The following EPHB1 variants were observed in gnomAD, a reference collection of about 807,000 sequenced individuals.
EPHB1 encodes ephrin type-B receptor 1.
A neutral mutation model predicts 94.4 loss-of-function variants in EPHB1; 30 were observed. That is an observed-to-expected ratio of 0.32 (90% CI 0.24 to 0.43). EPHB1 has a LOEUF of 0.43. EPHB1 is among the 20% of genes least tolerant of loss of function. EPHB1 has a pLI of 1.00. For synonymous variants in EPHB1, 522 were observed against 489.1 expected, an observed-to-expected ratio of 1.07 and a Z score of -0.89; for missense variants, 1,055 against 1,308.3, an observed-to-expected ratio of 0.81 and a Z score of 2.99.
chr3:135,220,425 G>A (rs1040751527), intron 12 of EPHB1, among the ~76,000 whole-genome samples: 6 of 152,102 alleles, frequency 3.9e-5, no homozygotes, highest in African/African-American at 1.4e-4. Flanking sequence ...GGTTCTCAGC[G>A]AAAAGATCCA....
At chr3:135,135,881 G>A (rs1016033177) in intron 5 of EPHB1, among the ~76,000 whole-genome samples, 34 of 152,212 alleles carry the variant, frequency 2.2e-4, no homozygotes, top group African/African-American at 8.2e-4. Context: ...TTGAGAAATA[G>A]ATGAGTAATA....
At chr3:134,915,048 G>A (rs1044748437) in intron 1 of EPHB1, among the ~76,000 whole-genome samples, 1 of 152,150 alleles carries the variant, frequency 6.6e-6, no homozygotes, top group African/African-American at 2.4e-5. Context: ...TTTGGAGGAA[G>A]CACCTGGCCT....
intron 3 of EPHB1, among the ~76,000 whole-genome samples, chr3:135,027,285 C>T (rs1936219997): frequency 6.6e-6 from 1 of 151,632 alleles, no homozygotes; most frequent in African/African-American, 2.4e-5. Context: ...GCATCCCTGT[C>T]TTGTGCCAGT....
intron 9 of EPHB1, among the ~76,000 whole-genome samples, chr3:135,175,769 T>A (rs1941962533): frequency 3.3e-5 from 5 of 152,214 alleles, no homozygotes; most frequent in African/African-American, 1.2e-4. Context: ...CATCTGATAT[T>A]ATTATTACTG....
At chr3:134,837,333 A>G (rs1158549898) in intron 1 of EPHB1, among the ~76,000 whole-genome samples, 2 of 152,258 alleles carry the variant, frequency 1.3e-5, no homozygotes, top group Non-Finnish European at 2.9e-5. Context: ...AAACAAGTTA[A>G]TATTTTTTAA....
intron 10 of EPHB1, among the ~76,000 whole-genome samples, chr3:135,182,764 A>G (rs568417359): frequency 6.6e-6 from 1 of 152,326 alleles, no homozygotes; most frequent in Admixed American, 6.5e-5. Context: ...GATAATGAAC[A>G]TGACCTTCCA....
At chr3:135,034,216 G>A (rs778568036) in intron 3 of EPHB1, among the ~76,000 whole-genome samples, 2 of 152,132 alleles carry the variant, frequency 1.3e-5, no homozygotes, top group African/African-American at 2.4e-5. Context: ...GAAACAGGGG[G>A]CATCCTTCAG....
At chr3:134,849,207 C>T (rs970539618) in intron 1 of EPHB1, among the ~76,000 whole-genome samples, 3 of 152,206 alleles carry the variant, frequency 2.0e-5, no homozygotes, top group African/African-American at 7.2e-5. Context: ...CTTGTTGAAA[C>T]AGATTGTTGC....
chr3:135,086,416 G>T (rs1463029908), intron 3 of EPHB1, among the ~76,000 whole-genome samples: 1 of 151,696 alleles, frequency 6.6e-6, no homozygotes, highest in East Asian at 2.0e-4. Context: ...CCCACTTCAA[G>T]ACTTCCCAGC....
intron 1 of EPHB1, among the ~76,000 whole-genome samples, chr3:134,907,576 G>T (rs2038358305): frequency 6.6e-6 from 1 of 152,126 alleles, no homozygotes. Context: ...TTTGCTGATT[G>T]CCAGTTATCA....
At chr3:135,239,804 C>T (rs915537316) in intron 12 of EPHB1, among the ~76,000 whole-genome samples, 3 of 152,180 alleles carry the variant, frequency 2.0e-5, no homozygotes, top group Admixed American at 6.5e-5. Flanking sequence ...TATCCCTGGC[C>T]GTTGAGAAAG....
intron 1 of EPHB1, among the ~76,000 whole-genome samples, chr3:134,887,210 G>A (rs1224699153): frequency 5.9e-5 from 9 of 152,316 alleles, no homozygotes; most frequent in African/African-American, 2.2e-4. Flanking sequence ...AGTTGGCGCT[G>A]GCTGTTGGCT....
intron 1 of EPHB1, among the ~76,000 whole-genome samples, chr3:134,852,992 C>G (rs1325835872): frequency 6.6e-6 from 1 of 152,130 alleles, no homozygotes; most frequent in Non-Finnish European, 1.5e-5. Flanking sequence ...GGTGGGGTCA[C>G]TGCCAGCTCT....
At chr3:135,212,605 C>A (rs1275601732) in intron 12 of EPHB1, among the ~76,000 whole-genome samples, 2 of 152,170 alleles carry the variant, frequency 1.3e-5, no homozygotes, top group Non-Finnish European at 2.9e-5. Context: ...TTGGTATTAC[C>A]TTTCCCTTGT....
intron 3 of EPHB1, among the ~76,000 whole-genome samples, chr3:134,970,956 C>T (rs576029786): frequency 3.9e-5 from 6 of 152,270 alleles, no homozygotes; most frequent in South Asian, 2.1e-4. Context: ...TTTCTCACCC[C>T]GATACCTCTT....
intron 4 of EPHB1, among the ~76,000 whole-genome samples, chr3:135,126,241 G>A (rs921155236): frequency 6.6e-6 from 1 of 152,038 alleles, no homozygotes; most frequent in African/African-American, 2.4e-5. Context: ...CTACAATCTT[G>A]AATCTTCTCA....
intron 3 of EPHB1, among the ~76,000 whole-genome samples, chr3:135,082,306 T>C (rs1480057169): frequency 6.6e-6 from 1 of 152,212 alleles, no homozygotes; most frequent in Non-Finnish European, 1.5e-5. Context: ...TGTGCAAAGA[T>C]AAACTGGTTA....
At chr3:135,078,092 A>C (rs991437510) in intron 3 of EPHB1, among the ~76,000 whole-genome samples, 1 of 152,210 alleles carries the variant, frequency 6.6e-6, no homozygotes, top group African/African-American at 2.4e-5. Flanking sequence ...TTGAGATTCA[A>C]TCACAGTTAT....
In EPHB1 at chr3:135,182,872, G is replaced by T. The variant is rs1337584209; in HGVS notation, c.1882+2890G>T. Among the ~76,000 whole-genome samples, 5 of 152,284 alleles carry T rather than the reference G, an allele frequency of 3.3e-5. No homozygotes were observed. In the East Asian group the frequency reaches 9.7e-4, roughly 29 times the overall value. ...CATGTTTAGTGACACCATGTTGGTA[G>T]CTTGACATCAGCCATAGTAGAAGTA... is the stretch of plus-strand genomic sequence containing the variant. On this transcript the variant is annotated intron_variant, in intron 10 of 15. Coordinates refer to ENST00000398015, the MANE Select transcript of EPHB1 (RefSeq NM_004441.5).
Sources: allele counts gnomAD v4.1 joint callset (sites outside exome capture counted in the v4.1 genomes callset), GRCh38; gene constraint gnomAD v4.1.1; transcripts MANE v1.5; gene names NCBI Gene and HGNC (gene_info 2026-07-23, HGNC 2026-07-21).